The following BTRC variants were observed in gnomAD, a reference collection of about 807,000 sequenced individuals.
BTRC encodes beta-transducin repeat containing E3 ubiquitin protein ligase.
BTRC carries 42 observed loss-of-function variants against 85.5 expected under a neutral mutation model. That is an observed-to-expected ratio of 0.49 (90% CI 0.38 to 0.64). BTRC has a LOEUF of 0.64. BTRC is among the 30% of genes least tolerant of loss of function. BTRC has a pLI of 0.00. For missense variants in BTRC, 594 were observed against 743.5 expected, an observed-to-expected ratio of 0.80 and a Z score of 2.34; for synonymous variants, 255 against 263.3, an observed-to-expected ratio of 0.97 and a Z score of 0.30.
intron 4 of BTRC, among the ~76,000 whole-genome samples, chr10:101,483,572 G>A (rs1294467527): frequency 2.0e-5 from 3 of 151,992 alleles, no homozygotes; most frequent in South Asian, 2.1e-4. Context: ...CAGCCTGGGC[G>A]ACAGAGTGAG....
intron 3 of BTRC, among the ~76,000 whole-genome samples, chr10:101,473,840 C>T (rs1945604994): frequency 6.6e-6 from 1 of 152,148 alleles, no homozygotes. Context: ...TCAAGCTATC[C>T]TCCTGCCTCG....
rs576596932 is a variant in BTRC at position 101,458,273 on chromosome 10, G to A, written c.157-3708G>A. On this transcript the variant is annotated intron_variant, in intron 2 of 14. Coordinates refer to ENST00000370187, the MANE Select transcript of BTRC (RefSeq NM_033637.4). ...GATAAAAGCCAGATTCAAAGGTTAC[G>A]TACGATATAATTCCATTTATATGAC... 5.1e-4 allele frequency among the ~76,000 whole-genome samples: 78 copies of A among 152,216 alleles called. 1 individual carries two copies. Among genetic ancestry groups the A allele is most frequent in the African/African-American group, 1.8e-3 (75 of 41,548 alleles).
At chr10:101,452,926 A>G (rs1276762086) in intron 2 of BTRC, among the ~76,000 whole-genome samples, 1 of 152,196 alleles carries the variant, frequency 6.6e-6, no homozygotes, top group Non-Finnish European at 1.5e-5. Context: ...TTTTCCGAAC[A>G]GCTTCTGAAC....
rs900451584 is a variant in BTRC, at chr10:101,432,068, A to G, written c.156+1616A>G. Among the ~76,000 whole-genome samples the G allele has an allele frequency of 1.3e-4, 19 of 151,994 alleles. No individual in the cohort carries two copies. In the South Asian group the frequency reaches 3.9e-3, roughly 32 times the overall value. ...CATGATCGTTATAAACATTATTGCTATTATTGGAGAGTAATTGATATCCTG... is the reference window on the plus strand; with the variant it reads ...CATGATCGTTATAAACATTATTGCTGTTATTGGAGAGTAATTGATATCCTG... On this transcript the variant is annotated intron_variant, in intron 2 of 14. Transcript: ENST00000370187.
chr10:101,362,788 A>G (rs550637998), intron 1 of BTRC, among the ~76,000 whole-genome samples: 1 of 152,248 alleles, frequency 6.6e-6, no homozygotes, highest in Non-Finnish European at 1.5e-5. Context: ...CATATCTGCT[A>G]ATTCAACCAT....
At chr10:101,401,117 T>A (rs1943481795) in intron 1 of BTRC, among the ~76,000 whole-genome samples, 1 of 152,224 alleles carries the variant, frequency 6.6e-6, no homozygotes, top group Non-Finnish European at 1.5e-5. Context: ...TCGAACTTAT[T>A]GCAATGAGAT....
At chr10:101,440,488 A>G (rs1165824846) in intron 2 of BTRC, among the ~76,000 whole-genome samples, 11 of 152,152 alleles carry the variant, frequency 7.2e-5, no homozygotes, top group Admixed American at 3.9e-4. Context: ...TGGGAAGCTG[A>G]GGTGGGTGGA....
At chr10:101,521,072 AG>A (rs1203950566) in intron 4 of BTRC, among the ~76,000 whole-genome samples, 9 of 152,208 alleles carry the variant, frequency 5.9e-5, no homozygotes, top group Admixed American at 5.9e-4. Context: ...GTTTGAGACC[AG>A]CCTGGGCAAC....
At chr10:101,367,684 C>T (rs752659986) in intron 1 of BTRC, among the ~76,000 whole-genome samples, 1 of 152,160 alleles carries the variant, frequency 6.6e-6, no homozygotes, top group Non-Finnish European at 1.5e-5. Context: ...GTAAGCTCAT[C>T]TAAATGGAAT....
chr10:101,454,654 T>C (rs1341023631), intron 2 of BTRC, among the ~76,000 whole-genome samples: 3 of 152,114 alleles, frequency 2.0e-5, no homozygotes, highest in Non-Finnish European at 4.4e-5. Flanking sequence ...TAGTGGCGTA[T>C]ACCTGTAGTC....
At chr10:101,384,814 T>C (rs1943025123) in intron 1 of BTRC, among the ~76,000 whole-genome samples, 1 of 152,174 alleles carries the variant, frequency 6.6e-6, no homozygotes, top group African/African-American at 2.4e-5. Flanking sequence ...TTTGAGAGGC[T>C]TAAAAGATAG....
intron 3 of BTRC, among the ~76,000 whole-genome samples, 200 bp from the exon 4 acceptor site, chr10:101,479,168 T>C (rs1945771720): frequency 6.6e-6 from 1 of 151,974 alleles, no homozygotes; most frequent in South Asian, 2.1e-4. Flanking sequence ...TACATACTTG[T>C]TCATGGGCAC....
intron 1 of BTRC, among the ~76,000 whole-genome samples, chr10:101,420,520 C>T (rs747960760): frequency 5.3e-5 from 8 of 152,120 alleles, no homozygotes; most frequent in Non-Finnish European, 1.5e-5. Flanking sequence ...CCACCCTCCA[C>T]TGCCCTGTGT....
intron 1 of BTRC, among the ~76,000 whole-genome samples, chr10:101,406,524 CTTTTTTTTTT>C (rs58902120): frequency 2.8e-4 from 14 of 50,422 alleles, no homozygotes; most frequent in East Asian, 2.6e-3. Context: ...TCTCAGGTTT[CTTTTTTTTTT>C]TTTTTTTTTT....
At chr10:101,390,432 G>A (rs1564743663) in intron 1 of BTRC, among the ~76,000 whole-genome samples, 1 of 151,274 alleles carries the variant, frequency 6.6e-6, no homozygotes, top group Non-Finnish European at 1.5e-5. Context: ...TCGCCTCCCG[G>A]GTTCACGCCA....
chr10:101,417,756 T>G (rs1353844417), intron 1 of BTRC, among the ~76,000 whole-genome samples: 1 of 152,080 alleles, frequency 6.6e-6, no homozygotes, highest in Non-Finnish European at 1.5e-5. Context: ...GTGATCCTCA[T>G]TGTAACTCCT....
intron 6 of BTRC, among the ~76,000 whole-genome samples, chr10:101,529,759 T>C (rs1277369341): frequency 1.3e-5 from 2 of 152,178 alleles, no homozygotes; most frequent in South Asian, 2.1e-4. Flanking sequence ...TTTCAGGGTA[T>C]ATAACAGGGA....
chr10:101,476,404 G>T (rs1236851858), intron 3 of BTRC, among the ~76,000 whole-genome samples: 1 of 152,162 alleles, frequency 6.6e-6, no homozygotes, highest in Non-Finnish European at 1.5e-5. Flanking sequence ...TAAATGTTCT[G>T]TAATTATGTA....
chr10:101,372,197 C>T, intron 1 of BTRC, among the ~76,000 whole-genome samples: 1 of 151,712 alleles, frequency 6.6e-6, no homozygotes, highest in East Asian at 1.9e-4. Flanking sequence ...TGCCCCTCAG[C>T]TTCCCCTTCC....
Sources: allele counts gnomAD v4.1 joint callset (sites outside exome capture counted in the v4.1 genomes callset), GRCh38; gene constraint gnomAD v4.1.1; transcripts MANE v1.5; gene names NCBI Gene and HGNC (gene_info 2026-07-23, HGNC 2026-07-21).